The following NFIB variants were observed in gnomAD, a reference collection of about 807,000 sequenced individuals.
NFIB encodes nuclear factor I B.
In NFIB, 11 loss-of-function variants were observed where a neutral mutation model predicts 61.5. The observed-to-expected ratio is 0.18, with a 90% CI of 0.11 to 0.30. NFIB has a LOEUF of 0.30. NFIB is among the 10% of genes least tolerant of loss of function. NFIB has a pLI of 1.00. For synonymous variants in NFIB, 260 were observed against 216.5 expected (o/e 1.20, Z -1.76); for missense variants, 471 against 608.9 (o/e 0.77, Z 2.38).
intron 2 of NFIB, among the ~76,000 whole-genome samples, chr9:14,263,443 C>A (rs1327183801): frequency 6.6e-6 from 1 of 152,164 alleles, no homozygotes; most frequent in African/African-American, 2.4e-5. Flanking sequence ...AGTCTGTTTC[C>A]ATACCCGTAT....
At chr9:14,333,739 T>C (rs1297486195) in intron 1 of NFIB, among the ~76,000 whole-genome samples, 1 of 152,208 alleles carries the variant, frequency 6.6e-6, no homozygotes, top group Non-Finnish European at 1.5e-5. Context: ...ACCTTCTATA[T>C]AATGTGTATC....
the NFIB span, among the ~76,000 whole-genome samples, chr9:14,415,940 G>A: frequency 8.5e-5 from 13 of 152,276 alleles, no homozygotes; most frequent in African/African-American, 2.9e-4. Flanking sequence ...TAATAGGGGA[G>A]ATAACTCTAG....
chr9:14,192,560 G>A (rs1009737592), intron 2 of NFIB, among the ~76,000 whole-genome samples: 17 of 152,168 alleles, frequency 1.1e-4, no homozygotes, highest in African/African-American at 3.6e-4. Context: ...AGGAGGCAAT[G>A]GTAGGAGTTT....
intron 9 of NFIB, among the ~76,000 whole-genome samples, chr9:14,115,196 T>C (rs945208812): frequency 2.6e-5 from 4 of 152,090 alleles, no homozygotes; most frequent in Non-Finnish European, 4.4e-5. Flanking sequence ...AGAGCATCTT[T>C]CCAATGGCTG....
At chr9:14,242,003 A>C (rs1454672095) in intron 2 of NFIB, among the ~76,000 whole-genome samples, 1 of 152,168 alleles carries the variant, frequency 6.6e-6, no homozygotes, top group African/African-American at 2.4e-5. Context: ...ATATTCAACC[A>C]GAAGAATTTG....
the NFIB span, among the ~76,000 whole-genome samples, chr9:14,529,849 G>A: frequency 6.6e-6 from 1 of 152,070 alleles, no homozygotes. Flanking sequence ...ACTTGTCCCT[G>A]TACACACTCG....
chr9:14,484,164 A>T, the NFIB span, among the ~76,000 whole-genome samples: 2 of 152,224 alleles, frequency 1.3e-5, no homozygotes, highest in African/African-American at 4.8e-5. Context: ...TTCACTTAAA[A>T]AATGTAACTT....
intron 2 of NFIB, among the ~76,000 whole-genome samples, chr9:14,259,858 T>A (rs1321732212): frequency 6.6e-6 from 1 of 152,186 alleles, no homozygotes; most frequent in Non-Finnish European, 1.5e-5. Flanking sequence ...TCAGCTGAGA[T>A]AGCACCACTG....
the NFIB span, among the ~76,000 whole-genome samples, chr9:14,458,411 T>A: frequency 6.6e-6 from 1 of 152,242 alleles, no homozygotes; most frequent in Non-Finnish European, 1.5e-5. Flanking sequence ...GCCAATATCA[T>A]ACTGAATGGG....
upstream of NFIB, among the ~76,000 whole-genome samples, chr9:14,399,140 CAT>C (rs762136011): frequency 8.5e-5 from 13 of 152,300 alleles, no homozygotes; most frequent in East Asian, 1.9e-4. Context: ...ATATTGATCA[CAT>C]GTTAAAATAA....
chr9:14,221,089 G>A (rs1226430256), intron 2 of NFIB, among the ~76,000 whole-genome samples: 2 of 152,172 alleles, frequency 1.3e-5, no homozygotes, highest in East Asian at 3.9e-4. Flanking sequence ...AGGAGTCTCT[G>A]CCCCTCCGAC....
intron 3 of NFIB, among the ~76,000 whole-genome samples, chr9:14,179,012 A>G (rs1187681606): frequency 6.6e-6 from 1 of 152,120 alleles, no homozygotes; most frequent in African/African-American, 2.4e-5. Context: ...AAAGTCACCA[A>G]TATAATTCAC....
At chr9:14,414,573 G>A in the NFIB span, among the ~76,000 whole-genome samples, 2 of 128,732 alleles carry the variant, frequency 1.6e-5, no homozygotes, top group Non-Finnish European at 3.2e-5. Context: ...CTCATTTCTT[G>A]GTGTTTCAGC....
At chr9:14,287,445 C>T (rs1055292883) in intron 2 of NFIB, among the ~76,000 whole-genome samples, 4 of 151,204 alleles carry the variant, frequency 2.6e-5, no homozygotes, top group East Asian at 2.0e-4. Flanking sequence ...AAAATTGAGA[C>T]GGAGTTCTGC....
At chr9:14,348,644 C>T (rs989004036) in intron 1 of NFIB, among the ~76,000 whole-genome samples, 1 of 152,258 alleles carries the variant, frequency 6.6e-6, no homozygotes, top group Non-Finnish European at 1.5e-5. Context: ...CCTTCTTCTT[C>T]TGCGCAATAC....
At position 14,084,356 on chromosome 9, in the gene NFIB, T is replaced by G. The variant is rs749128593; in HGVS notation, c.*3953A>C. 292 of 219,882 alleles carry G rather than the reference T, an allele frequency of 1.3e-3. 4 individuals are homozygous for G. The highest frequency in any genetic ancestry group is 1.4e-3 in the Middle Eastern group (1 of 738). The allele number at this position is 219,882 out of a possible 1,614,324, so 13.6% of individuals were successfully genotyped here. A position where few individuals can be genotyped will look rare whatever the true frequency, so the allele number is the denominator to read the frequency against. ...AAATTACTGTCTACAAGGTAGGCGG[T>G]TCATTAAGAAGACCTTTCGCTCTTC... On this transcript the variant is annotated 3_prime_UTR_variant, in exon 11 of 11. Transcript: ENST00000380953.
intron 3 of NFIB, among the ~76,000 whole-genome samples, chr9:14,159,621 C>T (rs760640136): frequency 2.0e-5 from 3 of 152,252 alleles, no homozygotes; most frequent in Non-Finnish European, 2.9e-5. Flanking sequence ...TTAACCAAGA[C>T]GTGGCAGAGT....
At chr9:14,463,667 T>TCC in the NFIB span, among the ~76,000 whole-genome samples, 2 of 68,228 alleles carry the variant, frequency 2.9e-5, no homozygotes, top group African/African-American at 1.2e-4. Flanking sequence ...TTCTTTTTTT[T>TCC]TTTTTTTTTT....
At chr9:14,174,492 G>T (rs541604565) in intron 3 of NFIB, among the ~76,000 whole-genome samples, 1 of 152,256 alleles carries the variant, frequency 6.6e-6, no homozygotes, top group South Asian at 2.1e-4. Flanking sequence ...ATGAGGCCGG[G>T]TGCGGTGGCT....
Sources: gnomAD v4.1 joint callset for allele counts (sites outside exome capture counted in the v4.1 genomes callset) on GRCh38, gnomAD v4.1.1 for gene constraint, MANE v1.5 for transcripts, NCBI Gene and HGNC (gene_info 2026-07-23, HGNC 2026-07-21) for gene names.